Variants in FBN3 observed in about 807,000 individuals in gnomAD.
FBN3 encodes the protein fibrillin 3, also known as fibrillin-3.
In FBN3, 234 loss-of-function variants were observed where a neutral mutation model predicts 330.1. The observed-to-expected ratio is 0.71, with a 90% CI of 0.64 to 0.79. The LOEUF is 0.79. Ranked by LOEUF, FBN3 falls within the 30% of genes least tolerant of loss-of-function variation. The probability of loss-of-function intolerance (pLI) is 0.00; values close to 1 mark genes in which losing one functional copy is unlikely to be tolerated. For synonymous variants in FBN3, 1,458 were observed against 1,517.3 expected (o/e 0.96, Z 0.91); for missense variants, 3,606 against 3,886.9 (o/e 0.93, Z 1.92).
chr19:8,135,532 T>C (rs1321255160), intron 13 of FBN3, among the ~76,000 whole-genome samples: 1 of 99,756 alleles, frequency 1.0e-5, no homozygotes, highest in Admixed American at 1.1e-4. Flanking sequence ...AGTGCTGGGA[T>C]TACAGGCGTG....
At chr19:8,146,844 G>C (rs2083557738) in intron 3 of FBN3, among the ~76,000 whole-genome samples, 1 of 145,186 alleles carries the variant, frequency 6.9e-6, no homozygotes, top group Non-Finnish European at 1.5e-5. Flanking sequence ...AGAGAGACAT[G>C]AGCAGAGATG....
chr19:8,143,994 G>T (rs116125753), intron 6 of FBN3, among the ~76,000 whole-genome samples: 4 of 149,492 alleles, frequency 2.7e-5, no homozygotes, highest in South Asian at 2.1e-4. Context: ...TTTTTAGAGA[G>T]GGGGGGTGTC....
chr19:8,124,106 C>T lies in FBN3; in HGVS notation c.2732-98G>A, dbSNP rs572839680. On this transcript the variant is annotated intron_variant, in intron 22 of 63. Coordinates refer to ENST00000600128, the MANE Select transcript of FBN3 (RefSeq NM_032447.5). ...GTCACTCCCATCGGAAACTTTCTCC[C>T]GGACGTAGTCAGGTCGAGGGCCAGA... is the stretch of plus-strand genomic sequence containing the variant. 2.5e-4 allele frequency: 266 copies of T among 1,061,936 alleles called. 1 individual carries two copies. The African/African-American group carries it at 3.2e-3, about 13-fold the overall frequency. 65.8% of individuals were successfully genotyped at this position (1,061,936 alleles called of 1,614,324 possible).
At chr19:8,075,003 C>T in intron 61 of FBN3, 68 bp downstream of exon 61, 1 of 1,537,746 alleles carries the variant, frequency 6.5e-7, no homozygotes, top group Non-Finnish European at 8.7e-7. Context: ...AGGGTGGCGT[C>T]TGTTAGTCGC....
chr19:8,081,217 C>A, intron 58 of FBN3, 98 bp from the exon 59 acceptor site: 1 of 1,492,246 alleles, frequency 6.7e-7, no homozygotes, highest in Non-Finnish European at 9.2e-7. Flanking sequence ...AGAGGGGTGA[C>A]AAGAGAAAGA....
chr19:8,147,211 G>C (rs1334172325), intron 2 of FBN3, 25 bp from the exon 3 acceptor site: 1 of 1,559,912 alleles, frequency 6.4e-7, no homozygotes, highest in Admixed American at 1.9e-5. Context: ...AGATGGGTCT[G>C]GTGAGCCCCT....
At chr19:8,124,132 G>A in intron 22 of FBN3, 124 bp from the exon 23 acceptor site, 1 of 763,318 alleles carries the variant, frequency 1.3e-6, no homozygotes, top group Non-Finnish European at 2.2e-6. Context: ...GAGGGCCAGA[G>A]TGGAAAGGGG....
In FBN3 at chr19:8,135,945, C is replaced by CCCCCCCCCA; in HGVS notation, c.1591+15_1591+16insTGGGGGGGG. On this transcript the variant is annotated intron_variant, in intron 13 of 63. Transcript: ENST00000600128. ...GGGCCCGGAAGCCCCTGCCCACCCG[C>CCCCCCCCCA]CCACCCCCAACTCACCCACACAGTT... 1 of 488,812 alleles carries CCCCCCCCCA rather than the reference C, an allele frequency of 2.0e-6. No individual in the cohort carries two copies. Among genetic ancestry groups the CCCCCCCCCA allele is most frequent in the Non-Finnish European group, 4.0e-6 (1 of 249,004 alleles). 30.3% of individuals were successfully genotyped at this position (488,812 alleles called of 1,614,324 possible).
In FBN3 at chr19:8,093,362, G is replaced by A. The variant is rs951919729; in HGVS notation, c.5905+1084C>T. Among the ~76,000 whole-genome samples the A allele has an allele frequency of 4.6e-5, 7 of 152,202 alleles. No individual in the cohort carries two copies. The East Asian group carries it at 5.9e-4, about 13-fold the overall frequency. ...AATTGGGCCTGGCGCAATGGCTCAT[G>A]CCTGTAATCCCAGCACTTTGGGAGG... On this transcript the variant is annotated intron_variant, in intron 47 of 63. Transcript: ENST00000600128.
chr19:8,112,426 C>T (rs1006067383), intron 30 of FBN3, among the ~76,000 whole-genome samples: 1 of 152,136 alleles, frequency 6.6e-6, no homozygotes, highest in Non-Finnish European at 1.5e-5. Flanking sequence ...GCGGGTGGAT[C>T]ACGAGGTCAG....
chr19:8,095,271 G>T (rs1442918392), intron 46 of FBN3, 104 bp downstream of exon 46: 3 of 1,207,486 alleles, frequency 2.5e-6, no homozygotes, highest in Non-Finnish European at 2.3e-6. Flanking sequence ...TAAAATAAAT[G>T]CTTGGGTAGT....
Position 8,147,344 on chromosome 19 carries a change from C to T in FBN3, c.137G>A (p.Arg46Gln), listed in dbSNP as rs762037436. 22 of 1,600,988 alleles carry T rather than the reference C, an allele frequency of 1.4e-5. No individual in the cohort carries two copies. Among genetic ancestry groups the T allele is most frequent in the Middle Eastern group, 3.3e-4 (2 of 6,038 alleles). The change falls in exon 2 of 64, where the codon CGG (arginine) becomes CAG (glutamine). Residue 46 changes from arginine (R) to glutamine (Q), a missense_variant. By Grantham distance (43) the Arg-to-Gln change is conservative. Coordinates refer to ENST00000600128, the MANE Select transcript of FBN3 (RefSeq NM_032447.5). ...ALEAAGPGRV[R>Q]RRGSPGILQG... ...CAAGATGCCTGGGCTGCCCCGCCTC[C>T]GCACACGTCCAGGACCTGCAGCCTC...
chr19:8,080,696 G>A (rs2081757277), intron 59 of FBN3, among the ~76,000 whole-genome samples: 1 of 151,986 alleles, frequency 6.6e-6, no homozygotes, highest in South Asian at 2.1e-4. Context: ...TCAGCTCACT[G>A]CAACCTCTGC....
intron 13 of FBN3, among the ~76,000 whole-genome samples, chr19:8,135,478 G>A (rs912955579): frequency 7.8e-5 from 10 of 128,252 alleles, no homozygotes; most frequent in African/African-American, 1.9e-4. Context: ...GGGTTTCACC[G>A]TGTTGGTCAG....
Position 8,134,626 on chromosome 19 carries a change from A to T in FBN3, c.1591+1335T>A, listed in dbSNP as rs531010441. ...AGTCCAGCCTAGGCAACACAGTGAG[A>T]CCCAATCACAAAAAAATAAATACAT... is the stretch of plus-strand genomic sequence containing the variant. On this transcript the variant is annotated intron_variant, in intron 13 of 63. Transcript: ENST00000600128. Among the ~76,000 whole-genome samples, 18 of 152,178 alleles carry T rather than the reference A, an allele frequency of 1.2e-4. No individual in the cohort carries two copies. In the South Asian group the frequency reaches 3.5e-3, roughly 30 times the overall value.
At position 8,123,655 on chromosome 19, in the gene FBN3, C is replaced by T. The variant is rs2082907709; in HGVS notation, c.2957-66G>A. 2.3e-5 allele frequency: 37 copies of T among 1,604,488 alleles called. 1 individual carries two copies. The South Asian group carries it at 4.0e-4, about 17-fold the overall frequency. On this transcript the variant is annotated intron_variant, in intron 23 of 63. Coordinates refer to ENST00000600128, the MANE Select transcript of FBN3 (RefSeq NM_032447.5). ...CTCAGGATCCATACACCAAGCCCTC[C>T]CTGGGTTCTTAGTGCCTCGCCTTAC...
At chr19:8,112,237 C>G in intron 30 of FBN3, 138 bp from the exon 31 acceptor site, 2 of 844,510 alleles carry the variant, frequency 2.4e-6, no homozygotes, top group Non-Finnish European at 3.6e-6. Flanking sequence ...ACCTGGGGAG[C>G]TTCCATCTTT....
chr19:8,087,631 A>C (rs1429093336), intron 53 of FBN3, among the ~76,000 whole-genome samples, 194 bp downstream of exon 53: 1 of 41,356 alleles, frequency 2.4e-5, no homozygotes, highest in African/African-American at 1.1e-4. Context: ...TTTGAGGCGG[A>C]GTTTTGCTCT....
Position 8,138,286 on chromosome 19 carries a change from C to A in FBN3, c.1056G>T (p.Leu352=), listed in dbSNP as rs554893531. 1.4e-5 allele frequency: 23 copies of A among 1,612,508 alleles called. No homozygotes were observed. The African/African-American group carries it at 2.3e-4, about 16-fold the overall frequency. ...GGAAGAGGCCAGGGTGGCCGGGTAGCAGCGGCAGCCGCTGGGCGCACAGTT... is the reference window on the plus strand; with the variant it reads ...GGAAGAGGCCAGGGTGGCCGGGTAGAAGCGGCAGCCGCTGGGCGCACAGTT... The part of the protein sequence containing the change: ...FQQLCAQRLP[L]LPGHPGLFPG... Residue 352 remains leucine, a synonymous_variant, in exon 10 of 64, where the codon CTG becomes CTT. Coordinates refer to ENST00000600128, the MANE Select transcript of FBN3 (RefSeq NM_032447.5).
Sources: allele counts gnomAD v4.1 joint callset (sites outside exome capture counted in the v4.1 genomes callset), GRCh38; gene constraint gnomAD v4.1.1; transcripts MANE v1.5; gene names NCBI Gene and HGNC (gene_info 2026-07-23, HGNC 2026-07-21).